Variants in ACSM1 observed in about 807,000 individuals in gnomAD.
ACSM1 encodes the protein acyl-coenzyme A synthetase ACSM1, mitochondrial.
ACSM1 carries 79 observed loss-of-function variants against 75.8 expected under a neutral mutation model. That is an observed-to-expected ratio of 1.04 (90% CI 0.87 to 1.26). ACSM1 has a LOEUF of 1.26. ACSM1 is among the 50% of genes most tolerant of loss of function. The pLI is 0.00. For synonymous variants in ACSM1, 279 were observed against 265.8 expected, an observed-to-expected ratio of 1.05 and a Z score of -0.48; for missense variants, 676 against 720.1, an observed-to-expected ratio of 0.94 and a Z score of 0.70.
At position 20,669,115 on chromosome 16, in the gene ACSM1, A is replaced by G. The variant is rs139200808; in HGVS notation, c.912+712T>C. 2.1e-4 allele frequency among the ~76,000 whole-genome samples: 32 copies of G among 152,174 alleles called. No homozygotes were observed. In the East Asian group the frequency reaches 5.8e-3, roughly 28 times the overall value. ...AAAGAAAATGTTGGGGTGAAGGGAC[A>G]TAGACAGAAAGAATTCATGCAGGTG... is the stretch of plus-strand genomic sequence containing the variant. On this transcript the variant is annotated intron_variant, in intron 6 of 13. Transcript: ENST00000520010.
chr16:20,657,062 C>A lies in ACSM1; in HGVS notation c.992+4732G>T, dbSNP rs11866223. ...AGGATAAAGTACCTTGTAACAAACCCTCCTGGGTATAATACTGCCAGTTAT... is the reference window on the plus strand; with the variant it reads ...AGGATAAAGTACCTTGTAACAAACCATCCTGGGTATAATACTGCCAGTTAT... On this transcript the variant is annotated intron_variant, in intron 7 of 13. Transcript: ENST00000520010. 8.0e-3 allele frequency among the ~76,000 whole-genome samples: 1,221 copies of A among 152,132 alleles called. 7 individuals carry two copies. The highest frequency in any genetic ancestry group is 0.018 in the African/African-American group (733 of 41,504).
chr16:20,627,125 G>A, intron 11 of ACSM1, 64 bp downstream of exon 11: 1 of 1,464,712 alleles, frequency 6.8e-7, no homozygotes, highest in South Asian at 1.6e-5. Flanking sequence ...AAATGTCTAG[G>A]TAAGCAAAAT....
chr16:20,624,233 G>A lies in ACSM1; in HGVS notation c.1528-18C>T, dbSNP rs752668267. On this transcript the variant is annotated intron_variant, in intron 12 of 13. Transcript: ENST00000520010. ...TTCACCACCTGCAGAATGAAGTCATGGGCTCACAGTGAGTGCCAACCTACT... is the reference window on the plus strand; with the variant it reads ...TTCACCACCTGCAGAATGAAGTCATAGGCTCACAGTGAGTGCCAACCTACT... 1 of 1,598,270 alleles carries A rather than the reference G, an allele frequency of 6.3e-7. No individual in the cohort carries two copies. The highest frequency in any genetic ancestry group is 1.1e-5 in the South Asian group (1 of 89,184).
In ACSM1 at chr16:20,691,051, C is replaced by T. The variant is rs766453598; in HGVS notation, c.138G>A (p.Pro46=). The T allele has an allele frequency of 5.0e-5, 80 of 1,613,624 alleles. No homozygotes were observed. The highest frequency in any genetic ancestry group is 1.6e-4 in the Middle Eastern group (1 of 6,080). ...GAPRWNDYEV[P]EEFNFASYVL... The stretch of plus-strand genomic sequence containing the variant: ...CATAACTTGCAAAGTTAAATTCCTC[C>T]GGTACTTCATAGTCATTCCATCTTG... Residue 46 remains proline, a synonymous_variant, in exon 2 of 14, where the codon CCG becomes CCA. Coordinates refer to ENST00000520010, the MANE Select transcript of ACSM1 (RefSeq NM_001318890.3).
intron 9 of ACSM1, 35 bp from the exon 10 acceptor site, chr16:20,636,875 G>A (rs2017750031): frequency 4.6e-6 from 7 of 1,527,414 alleles, no homozygotes; most frequent in African/African-American, 1.4e-5. Flanking sequence ...TACACTGCAG[G>A]AGGCCGCAGC....
At chr16:20,655,514 A>G (rs191539281) in intron 7 of ACSM1, among the ~76,000 whole-genome samples, 347 of 152,304 alleles carry the variant, frequency 2.3e-3, no homozygotes, top group Non-Finnish European at 3.7e-3. Context: ...AAATTTTTAA[A>G]GGAGTTGTGT....
Position 20,637,464 on chromosome 16 carries a change from G to A in ACSM1, c.1117-13C>T, listed in dbSNP as rs757949065. On this transcript the variant is annotated splice_polypyrimidine_tract_variant and intron_variant, in intron 8 of 13. Coordinates refer to ENST00000520010, the MANE Select transcript of ACSM1 (RefSeq NM_001318890.3). ...CACAAATTAGTCCCTGTTCACAAAA[G>A]AAAGAAGATTTGGGTTGATCAGAGA... The A allele has an allele frequency of 6.2e-7, 1 of 1,612,676 alleles. No individual in the cohort carries two copies. The highest frequency in any genetic ancestry group is 8.5e-7 in the Non-Finnish European group (1 of 1,179,294).
chr16:20,668,988 G>A lies in ACSM1; in HGVS notation c.912+839C>T, dbSNP rs116354504. 7.1e-3 allele frequency among the ~76,000 whole-genome samples: 1,083 copies of A among 152,282 alleles called. 11 individuals carry two copies. The highest frequency in any genetic ancestry group is 0.024 in the African/African-American group (1,015 of 41,538). On this transcript the variant is annotated intron_variant, in intron 6 of 13. Coordinates refer to ENST00000520010, the MANE Select transcript of ACSM1 (RefSeq NM_001318890.3). ...AAGAAATGCTGTTTATCCAAGGCCA[G>A]GAGACAGAACTCTGCAGTGGTTGTG...
At chr16:20,686,042 T>C (rs1357434124) in intron 2 of ACSM1, among the ~76,000 whole-genome samples, 1 of 151,890 alleles carries the variant, frequency 6.6e-6, no homozygotes. Context: ...TAGTTTCTCC[T>C]CAATAAAATG....
At chr16:20,663,095 G>C (rs1240116414) in intron 6 of ACSM1, among the ~76,000 whole-genome samples, 2 of 152,048 alleles carry the variant, frequency 1.3e-5, no homozygotes, top group African/African-American at 2.4e-5. Flanking sequence ...TGTGCCAAAG[G>C]GTGGAAGGCT....
chr16:20,649,175 G>GTTTTA (rs60734826), intron 7 of ACSM1, among the ~76,000 whole-genome samples: 3,295 of 150,946 alleles, frequency 0.022, 113 homozygotes, highest in African/African-American at 0.076. Context: ...ACAAAGCTCT[G>GTTTTA]TTTTATTTTA....
rs368095528 is a variant in ACSM1, at chr16:20,659,345, G to A, written c.992+2449C>T. Among the ~76,000 whole-genome samples the A allele has an allele frequency of 9.4e-4, 143 of 152,234 alleles. 6 individuals are homozygous for A. In the South Asian group the frequency reaches 0.028, roughly 30 times the overall value. On this transcript the variant is annotated intron_variant, in intron 7 of 13. Transcript: ENST00000520010. ...TCCTAGTGCCATGGGACCTGCTGCT[G>A]TTTGTTGGCCTACATGTGCATTCTA... is the stretch of plus-strand genomic sequence containing the variant.
chr16:20,668,848 GA>G (rs2019717884), intron 6 of ACSM1, among the ~76,000 whole-genome samples: 1 of 152,164 alleles, frequency 6.6e-6, no homozygotes, highest in Non-Finnish European at 1.5e-5. Context: ...AGGTTCAAAG[GA>G]AGGCATTTTA....
chr16:20,657,286 G>T (rs183622965), intron 7 of ACSM1, among the ~76,000 whole-genome samples: 1 of 149,154 alleles, frequency 6.7e-6, no homozygotes, highest in Non-Finnish European at 1.5e-5. Flanking sequence ...GTTTTTTTGG[G>T]TTTGTTTTTT....
At chr16:20,694,213 T>C (rs1241691552) in intron 1 of ACSM1, among the ~76,000 whole-genome samples, 1 of 152,236 alleles carries the variant, frequency 6.6e-6, no homozygotes, top group African/African-American at 2.4e-5. Context: ...AAATACAGAA[T>C]GTGAGGTCCC....
At position 20,625,410 on chromosome 16, in the gene ACSM1, G is replaced by C. The variant is rs2016859761; in HGVS notation, c.1527+13C>G. The C allele has an allele frequency of 3.1e-6, 5 of 1,612,720 alleles. No homozygotes were observed. In the Admixed American group the frequency reaches 8.3e-5, roughly 27 times the overall value. On this transcript the variant is annotated intron_variant, in intron 12 of 13. Coordinates refer to ENST00000520010, the MANE Select transcript of ACSM1 (RefSeq NM_001318890.3). ...CCCACGCACAGACATGATGATCTCT[G>C]TGTTCTCCTCACCTCCCCTCGAATC...
intron 2 of ACSM1, among the ~76,000 whole-genome samples, chr16:20,690,324 T>A (rs2079631196): frequency 6.6e-6 from 1 of 152,190 alleles, no homozygotes; most frequent in Admixed American, 6.5e-5. Flanking sequence ...TCTACCTGAC[T>A]CCTAATGTCA....
chr16:20,695,666 TTCTA>T (rs913993297), intron 1 of ACSM1, among the ~76,000 whole-genome samples: 1 of 146,886 alleles, frequency 6.8e-6, no homozygotes, highest in Non-Finnish European at 1.5e-5. Context: ...ATTACCTATT[TTCTA>T]TCTATCTATC....
intron 5 of ACSM1, among the ~76,000 whole-genome samples, chr16:20,670,885 T>C (rs1239903386): frequency 2.0e-5 from 3 of 152,232 alleles, no homozygotes; most frequent in African/African-American, 7.2e-5. Context: ...CTCCATATTC[T>C]GTTTAATATG....
Sources: allele counts gnomAD v4.1 joint callset (sites outside exome capture counted in the v4.1 genomes callset), GRCh38; gene constraint gnomAD v4.1.1; transcripts MANE v1.5; gene names NCBI Gene and HGNC (gene_info 2026-07-23, HGNC 2026-07-21).